PRKAG2: variants seen among roughly 807,000 people sequenced by gnomAD.
The protein encoded by PRKAG2 is protein kinase AMP-activated non-catalytic subunit gamma 2.
In PRKAG2, 26 loss-of-function variants were observed where a neutral mutation model predicts 69.6. The ratio of observed to expected loss-of-function variants is 0.37; its 90% CI spans 0.27 to 0.52. PRKAG2 has a LOEUF of 0.52. Ranked by LOEUF, PRKAG2 falls within the 20% of genes least tolerant of loss-of-function variation. The pLI is 0.90. For synonymous variants in PRKAG2, 293 were observed against 285.0 expected, an observed-to-expected ratio of 1.03 and a Z score of -0.28; for missense variants, 557 against 740.0, an observed-to-expected ratio of 0.75 and a Z score of 2.87.
intron 1 of PRKAG2, among the ~76,000 whole-genome samples, chr7:151,820,112 T>TCC (rs2078733968): frequency 6.6e-6 from 1 of 152,200 alleles, no homozygotes; most frequent in Non-Finnish European, 1.5e-5. Flanking sequence ...CAGTGACTTG[T>TCC]CTAACTCCAG....
At position 151,740,043 on chromosome 7, in the gene PRKAG2, G is replaced by A. The variant is rs572691896; in HGVS notation, c.466+41109C>T. On this transcript the variant is annotated intron_variant, in intron 3 of 15. Transcript: ENST00000287878. ...AAAGATAGGGGCCCAGGCCTCACCC[G>A]TTGTGAGGATCTCCCAAGCCTACAG... 4.9e-4 allele frequency among the ~76,000 whole-genome samples: 75 copies of A among 152,274 alleles called. 1 individual carries two copies. Among genetic ancestry groups the A allele is most frequent in the African/African-American group, 1.4e-3 (57 of 41,550 alleles).
intron 1 of PRKAG2, among the ~76,000 whole-genome samples, chr7:151,857,163 AG>A (rs1195457078): frequency 6.6e-6 from 1 of 150,874 alleles, no homozygotes; most frequent in Non-Finnish European, 1.5e-5. Context: ...AGGGAGTATA[AG>A]GGATGGGCAC....
intron 14 of PRKAG2, among the ~76,000 whole-genome samples, chr7:151,560,877 C>T (rs1804798367): frequency 6.6e-6 from 1 of 152,074 alleles, no homozygotes; most frequent in African/African-American, 2.4e-5. Context: ...CGCACCAGTG[C>T]ACTCTAGCTT....
At chr7:151,858,555 C>CCACA (rs1328211438) in intron 1 of PRKAG2, among the ~76,000 whole-genome samples, 1 of 151,924 alleles carries the variant, frequency 6.6e-6, no homozygotes, top group Non-Finnish European at 1.5e-5. Context: ...ATTCACCTGC[C>CCACA]CACACACACA....
intron 1 of PRKAG2, among the ~76,000 whole-genome samples, chr7:151,841,728 GTGA>G (rs1321529525): frequency 7.1e-6 from 1 of 141,284 alleles, no homozygotes; most frequent in South Asian, 2.3e-4. Context: ...ATGGTAGGTA[GTGA>G]TGATGGTAGT....
chr7:151,769,762 G>A (rs1354493734), intron 3 of PRKAG2, among the ~76,000 whole-genome samples: 4 of 152,202 alleles, frequency 2.6e-5, no homozygotes, highest in African/African-American at 4.8e-5. Flanking sequence ...GCGGAAACAC[G>A]AGGTGGGCAG....
chr7:151,661,480 G>A (rs1469882715), intron 4 of PRKAG2, among the ~76,000 whole-genome samples: 1 of 152,124 alleles, frequency 6.6e-6, no homozygotes, highest in Non-Finnish European at 1.5e-5. Flanking sequence ...GGAAATCACG[G>A]GCAGAGCTGT....
intron 1 of PRKAG2, among the ~76,000 whole-genome samples, chr7:151,803,919 C>T (rs1475106866): frequency 7.9e-6 from 1 of 126,946 alleles, no homozygotes; most frequent in Non-Finnish European, 1.6e-5. Flanking sequence ...GACTGGGCAG[C>T]AGTGCGAGAC....
intron 3 of PRKAG2, among the ~76,000 whole-genome samples, chr7:151,761,851 T>C (rs965645834): frequency 2.6e-5 from 4 of 152,230 alleles, no homozygotes; most frequent in African/African-American, 9.6e-5. Context: ...TTTGTCCTCA[T>C]GGCCCTAGAA....
chr7:151,817,817 C>T (rs1301472659), intron 1 of PRKAG2, among the ~76,000 whole-genome samples: 1 of 152,202 alleles, frequency 6.6e-6, no homozygotes, highest in Non-Finnish European at 1.5e-5. Flanking sequence ...AGCTGCAAAT[C>T]CAGGATTCGA....
At chr7:151,743,150 A>G (rs1443751321) in intron 3 of PRKAG2, among the ~76,000 whole-genome samples, 2 of 152,184 alleles carry the variant, frequency 1.3e-5, no homozygotes, top group Non-Finnish European at 2.9e-5. Context: ...CACACTCAGA[A>G]TTCTTTTTTA....
chr7:151,681,007 T>G (rs1833802999), intron 3 of PRKAG2, among the ~76,000 whole-genome samples: 1 of 152,116 alleles, frequency 6.6e-6, no homozygotes. Flanking sequence ...ATCTTTCAAG[T>G]AAACAGTTTA....
intron 3 of PRKAG2, among the ~76,000 whole-genome samples, chr7:151,739,842 G>C (rs771305172): frequency 6.6e-6 from 1 of 152,092 alleles, no homozygotes; most frequent in Non-Finnish European, 1.5e-5. Flanking sequence ...TTTCAGCTCT[G>C]CCTGCTGAAA....
intron 1 of PRKAG2, among the ~76,000 whole-genome samples, chr7:151,874,333 GATGTAT>G (rs1247997871): frequency 3.9e-5 from 4 of 102,764 alleles, no homozygotes; most frequent in East Asian, 2.3e-4. Flanking sequence ...ATATGTATAT[GATGTAT>G]ATGTATATGT....
chr7:151,703,044 C>T (rs905737834), intron 3 of PRKAG2, among the ~76,000 whole-genome samples: 2 of 152,182 alleles, frequency 1.3e-5, no homozygotes, highest in Admixed American at 6.5e-5. Flanking sequence ...ATGCTGGGCT[C>T]CCTAACCTGC....
chr7:151,837,886 G>A (rs775376381), intron 1 of PRKAG2, among the ~76,000 whole-genome samples: 17 of 152,198 alleles, frequency 1.1e-4, no homozygotes, highest in Non-Finnish European at 2.1e-4. Context: ...CTTCTCCTCC[G>A]GTAAAGCCGG....
rs913451476 is a variant in PRKAG2 at position 151,556,580 on chromosome 7, A to G, written c.*621T>C. ...AGTTTACTCCACCAAAAGATGTGTA[A>G]AAAAATTGCATGAAAGTAAAAATAA... On this transcript the variant is annotated 3_prime_UTR_variant, in exon 16 of 16. Coordinates refer to ENST00000287878, the MANE Select transcript of PRKAG2 (RefSeq NM_016203.4). 1.3e-5 allele frequency: 2 copies of G among 152,634 alleles called. No homozygotes were observed. Among genetic ancestry groups the G allele is most frequent in the African/African-American group, 4.8e-5 (2 of 41,466 alleles). The allele number at this position is 152,634 out of a possible 1,614,324, so 9.5% of individuals were successfully genotyped here.
At chr7:151,683,420 T>A (rs1356987209) in intron 3 of PRKAG2, among the ~76,000 whole-genome samples, 1 of 152,098 alleles carries the variant, frequency 6.6e-6, no homozygotes, top group African/African-American at 2.4e-5. Context: ...TTGGTAAAAA[T>A]AAACCAGGTA....
intron 1 of PRKAG2, among the ~76,000 whole-genome samples, chr7:151,810,984 C>T (rs1272190490): frequency 1.3e-5 from 2 of 152,128 alleles, no homozygotes; most frequent in South Asian, 2.1e-4. Context: ...CCATGGGACC[C>T]CAGGTGGCGG....
Sources: gnomAD v4.1 joint callset for allele counts (sites outside exome capture counted in the v4.1 genomes callset) on GRCh38, gnomAD v4.1.1 for gene constraint, MANE v1.5 for transcripts, NCBI Gene and HGNC (gene_info 2026-07-23, HGNC 2026-07-21) for gene names.